The following TMEM14B variants were observed in gnomAD, a reference collection of about 807,000 sequenced individuals.
The protein encoded by TMEM14B is transmembrane protein 14B.
In TMEM14B, 9 loss-of-function variants were observed where a neutral mutation model predicts 14.8. That is an observed-to-expected ratio of 0.61 (90% CI 0.37 to 1.06). The LOEUF is 1.06. Ranked by LOEUF, TMEM14B falls within the 50% of genes least tolerant of loss-of-function variation. The pLI is 0.01. For missense variants in TMEM14B, 128 were observed against 143.6 expected, an observed-to-expected ratio of 0.89 and a Z score of 0.56; for synonymous variants, 40 against 51.3, an observed-to-expected ratio of 0.78 and a Z score of 0.94.
At chr6:10,751,964 C>A (rs982760927) in intron 4 of TMEM14B, among the ~76,000 whole-genome samples, 1 of 151,970 alleles carries the variant, frequency 6.6e-6, no homozygotes, top group Non-Finnish European at 1.5e-5. Context: ...GGGTTCCTTG[C>A]GGTCTCTACA....
At chr6:10,749,588 A>C (rs1217934422) in intron 2 of TMEM14B, 34 bp from the exon 3 acceptor site, 3 of 1,611,998 alleles carry the variant, frequency 1.9e-6, no homozygotes, top group Admixed American at 3.3e-5. Context: ...CCAGGTTAGC[A>C]CTGACTTCTC....
In TMEM14B at chr6:10,753,494, T is replaced by A. The variant is rs899554887; in HGVS notation, c.203-1648T>A. 2.0e-5 allele frequency among the ~76,000 whole-genome samples: 3 copies of A among 152,014 alleles called. 1 individual carries two copies. Among genetic ancestry groups the A allele is most frequent in the African/African-American group, 7.3e-5 (3 of 41,290 alleles). ...ATTCTCTTTTGGCAACCTATTTTCC[T>A]TTTTGGCCACTAGATATTGAAGTTC... On this transcript the variant is annotated intron_variant, in intron 4 of 5. Coordinates refer to ENST00000379542, the MANE Select transcript of TMEM14B (RefSeq NM_030969.5).
rs116751040 is a variant in TMEM14B at position 10,754,649 on chromosome 6, G to T, written c.203-493G>T. 7.4e-3 allele frequency among the ~76,000 whole-genome samples: 1,131 copies of T among 152,294 alleles called. 12 individuals are homozygous for T. Among genetic ancestry groups the T allele is most frequent in the African/African-American group, 0.025 (1,053 of 41,544 alleles). On this transcript the variant is annotated intron_variant, in intron 4 of 5. Coordinates refer to ENST00000379542, the MANE Select transcript of TMEM14B (RefSeq NM_030969.5). ...GTACCTTGTTTTTCTTTGTGTGATTGTTTAAAGTCTTGTCCCATCAGACCT... is the reference window on the plus strand; with the variant it reads ...GTACCTTGTTTTTCTTTGTGTGATTTTTTAAAGTCTTGTCCCATCAGACCT...
intron 4 of TMEM14B, chr6:10,752,794 C>T (rs1771641232): frequency 6.6e-6 from 1 of 152,210 alleles, no homozygotes; most frequent in East Asian, 1.9e-4. Context: ...GGCCAAAAGC[C>T]TACAGCACCT....
chr6:10,755,110 T>A (rs1771753204), intron 4 of TMEM14B, 32 bp from the exon 5 acceptor site: 1 of 1,610,564 alleles, frequency 6.2e-7, no homozygotes, highest in Non-Finnish European at 8.5e-7. Context: ...AGAAGACTAA[T>A]GAGTTTTGAC....
Position 10,751,117 on chromosome 6 carries a change from G to C in TMEM14B, c.101-16G>C. On this transcript the variant is annotated splice_polypyrimidine_tract_variant and intron_variant, in intron 3 of 5. Coordinates refer to ENST00000379542, the MANE Select transcript of TMEM14B (RefSeq NM_030969.5). Reference sequence around the variant, plus strand: ...TGCCTGACATTACAATGCAAGCTGCGTTTGCTTCCTTCTAGGCAGCGTGCC... The same window carrying C: ...TGCCTGACATTACAATGCAAGCTGCCTTTGCTTCCTTCTAGGCAGCGTGCC... 1 of 1,612,968 alleles carries C rather than the reference G, an allele frequency of 6.2e-7. No homozygotes were observed.
chr6:10,749,300 C>T (rs1771458988), intron 2 of TMEM14B, 32 bp downstream of exon 2: 1 of 1,613,408 alleles, frequency 6.2e-7, no homozygotes, highest in African/African-American at 1.3e-5. Flanking sequence ...AGAGAGTAGC[C>T]AGGAGCTTCT....
downstream of TMEM14B, chr6:10,759,104 G>C (rs929328692): frequency 2.4e-5 from 4 of 164,536 alleles, no homozygotes; most frequent in African/African-American, 9.6e-5. Flanking sequence ...ATTTTTAGTA[G>C]AGATGGGGTT....
chr6:10,758,300 A>C, downstream of TMEM14B, among the ~76,000 whole-genome samples: 1 of 152,166 alleles, frequency 6.6e-6, no homozygotes, highest in South Asian at 2.1e-4. Flanking sequence ...TGCCACCTTC[A>C]GTCCTAGAGG....
At chr6:10,752,119 G>C (rs2127495084) in intron 4 of TMEM14B, among the ~76,000 whole-genome samples, 1 of 152,084 alleles carries the variant, frequency 6.6e-6, no homozygotes, top group East Asian at 1.9e-4. Flanking sequence ...CTGCCTAACA[G>C]CTCCCTCCCT....
intron 3 of TMEM14B, among the ~76,000 whole-genome samples, chr6:10,750,557 G>A (rs1771508253): frequency 6.6e-6 from 1 of 152,070 alleles, no homozygotes; most frequent in South Asian, 2.1e-4. Flanking sequence ...ACTATTACAA[G>A]GTGATGGACG....
intron 3 of TMEM14B, among the ~76,000 whole-genome samples, chr6:10,750,867 G>A (rs1771524722): frequency 6.6e-6 from 1 of 152,010 alleles, no homozygotes; most frequent in Admixed American, 6.6e-5. Context: ...TCATAGTTCT[G>A]TCTAAGGAGG....
At chr6:10,755,736 C>G in intron 5 of TMEM14B, 1 of 930,568 alleles carries the variant, frequency 1.1e-6, no homozygotes, top group South Asian at 4.5e-5. Flanking sequence ...GGGCATATCA[C>G]TTGAGGTCAG....
At chr6:10,759,616 GCA>G (rs934284899), downstream of TMEM14B, 1 of 152,180 alleles carries the variant, frequency 6.6e-6, no homozygotes, top group African/African-American at 2.4e-5. Context: ...CTGGAAGTCT[GCA>G]AACTTGTTCT....
At chr6:10,758,122 T>C (rs1345015349), downstream of TMEM14B, among the ~76,000 whole-genome samples, 2 of 152,196 alleles carry the variant, frequency 1.3e-5, no homozygotes, top group African/African-American at 4.8e-5. Flanking sequence ...TCCTTTTTTA[T>C]AGGACTCTGG....
intron 4 of TMEM14B, among the ~76,000 whole-genome samples, chr6:10,754,437 C>T (rs1246359875): frequency 3.3e-5 from 5 of 152,198 alleles, no homozygotes; most frequent in Admixed American, 3.3e-4. Context: ...CACAGGGCCT[C>T]TGCATATACT....
In TMEM14B at chr6:10,756,563, G is replaced by C. The variant is rs1232568554; in HGVS notation, c.*45G>C. 1.3e-6 allele frequency: 2 copies of C among 1,594,370 alleles called. No homozygotes were observed. The highest frequency in any genetic ancestry group is 1.7e-6 in the Non-Finnish European group (2 of 1,173,060). On this transcript the variant is annotated 3_prime_UTR_variant, in exon 6 of 6. Coordinates refer to ENST00000379542, the MANE Select transcript of TMEM14B (RefSeq NM_030969.5). The stretch of plus-strand genomic sequence containing the variant: ...TGGACTCATGAAGGATTAAAAATCT[G>C]CATCTTCCACTATTTTCAATGTATT...
chr6:10,755,798 A>G (rs1670173515), intron 5 of TMEM14B: 1 of 442,480 alleles, frequency 2.3e-6, no homozygotes, highest in Non-Finnish European at 3.0e-6. Flanking sequence ...TATGAAAAAT[A>G]CAAAAATTAG....
chr6:10,755,827 G>T, intron 5 of TMEM14B: 1 of 234,498 alleles, frequency 4.3e-6, no homozygotes, highest in Middle Eastern at 2.2e-3. Context: ...GGTGGTGCAC[G>T]CCTGTAATCC....
Sources: allele counts gnomAD v4.1 joint callset (sites outside exome capture counted in the v4.1 genomes callset), GRCh38; gene constraint gnomAD v4.1.1; transcripts MANE v1.5; gene names NCBI Gene and HGNC (gene_info 2026-07-23, HGNC 2026-07-21).